Variants in CNTNAP2 observed in about 807,000 individuals in gnomAD.
CNTNAP2 encodes the protein contactin-associated protein-like 2.
A neutral mutation model predicts 155.2 loss-of-function variants in CNTNAP2; 98 were observed. The observed-to-expected ratio is 0.63, with a 90% CI of 0.54 to 0.75. CNTNAP2 has a LOEUF of 0.75. Ranked by LOEUF, CNTNAP2 falls within the 30% of genes least tolerant of loss-of-function variation. CNTNAP2 has a pLI of 0.00. For missense variants in CNTNAP2, 1,727 were observed against 1,688.1 expected (o/e 1.02, Z -0.40); for synonymous variants, 651 against 631.2 (o/e 1.03, Z -0.47).
intron 1 of CNTNAP2, among the ~76,000 whole-genome samples, chr7:146,325,022 C>T (rs867835858): frequency 6.6e-6 from 1 of 152,058 alleles, no homozygotes; most frequent in African/African-American, 2.4e-5. Context: ...GCATCCTCTA[C>T]GTTCTGTAAT....
chr7:146,966,486 C>G (rs1395211356), intron 3 of CNTNAP2, among the ~76,000 whole-genome samples: 3 of 152,182 alleles, frequency 2.0e-5, no homozygotes, highest in African/African-American at 7.2e-5. Flanking sequence ...GGTGATTCAC[C>G]AGTTTACTCT....
intron 1 of CNTNAP2, among the ~76,000 whole-genome samples, chr7:146,721,088 GTCTATATATATTC>G (rs1372421084): frequency 2.2e-5 from 2 of 91,070 alleles, no homozygotes; most frequent in Admixed American, 1.0e-4. Context: ...TATATATACT[GTCTATATATATTC>G]TCTATATATA....
chr7:147,032,854 A>G (rs948989263), intron 3 of CNTNAP2, among the ~76,000 whole-genome samples: 2 of 152,022 alleles, frequency 1.3e-5, no homozygotes, highest in Admixed American at 1.3e-4. Flanking sequence ...AAGCCATTAA[A>G]AAGACAGTCC....
intron 15 of CNTNAP2, among the ~76,000 whole-genome samples, chr7:147,995,746 C>A: frequency 6.6e-6 from 1 of 152,088 alleles, no homozygotes; most frequent in Non-Finnish European, 1.5e-5. Flanking sequence ...ATCTCCTGAC[C>A]TCGTGATCTG....
At chr7:148,145,187 C>G (rs1805152808) in intron 16 of CNTNAP2, among the ~76,000 whole-genome samples, 1 of 152,254 alleles carries the variant, frequency 6.6e-6, no homozygotes, top group East Asian at 1.9e-4. Flanking sequence ...AAGAAAGTTG[C>G]TCGTGGGGTC....
intron 1 of CNTNAP2, among the ~76,000 whole-genome samples, chr7:146,486,746 C>G (rs1166362164): frequency 6.6e-6 from 1 of 152,186 alleles, no homozygotes; most frequent in East Asian, 1.9e-4. Context: ...GAGGCATATT[C>G]TTTTGGGAGA....
At chr7:147,247,217 G>A (rs556561104) in intron 8 of CNTNAP2, among the ~76,000 whole-genome samples, 3 of 151,976 alleles carry the variant, frequency 2.0e-5, no homozygotes, top group African/African-American at 2.4e-5. Context: ...CCCTCTCCTC[G>A]GGGTTCTTAG....
chr7:148,364,580 ACT>A (rs1269971372), intron 21 of CNTNAP2, among the ~76,000 whole-genome samples: 2 of 152,150 alleles, frequency 1.3e-5, no homozygotes, highest in East Asian at 3.9e-4. Flanking sequence ...ACCAATCGAC[ACT>A]CTGTATCTAG....
intron 3 of CNTNAP2, among the ~76,000 whole-genome samples, chr7:146,945,316 T>C (rs1797141199): frequency 6.6e-6 from 1 of 152,234 alleles, no homozygotes; most frequent in Admixed American, 6.5e-5. Flanking sequence ...TAGAAATAAC[T>C]GGTGTTTCAG....
At chr7:146,507,262 T>A (rs557780258) in intron 1 of CNTNAP2, among the ~76,000 whole-genome samples, 2 of 152,180 alleles carry the variant, frequency 1.3e-5, no homozygotes, top group Non-Finnish European at 2.9e-5. Flanking sequence ...TCACCTCCAT[T>A]CCAAAGTTGG....
At chr7:146,721,604 C>CATTCTATATAT (rs1563203798) in intron 1 of CNTNAP2, among the ~76,000 whole-genome samples, 1 of 106,638 alleles carries the variant, frequency 9.4e-6, no homozygotes, top group African/African-American at 4.4e-5. Flanking sequence ...ATTCTATATA[C>CATTCTATATAT]ATTCTATATA....
intron 1 of CNTNAP2, among the ~76,000 whole-genome samples, chr7:146,503,865 G>A (rs1426142519): frequency 6.6e-6 from 1 of 152,078 alleles, no homozygotes; most frequent in South Asian, 2.1e-4. Context: ...GGGTCTGAGG[G>A]GACAGGTGGC....
At chr7:146,389,703 C>CTTTTTTTTTTTTT (rs750823074) in intron 1 of CNTNAP2, among the ~76,000 whole-genome samples, 6 of 129,006 alleles carry the variant, frequency 4.7e-5, no homozygotes, top group Non-Finnish European at 8.3e-5. Context: ...TTTCTTTTTT[C>CTTTTTTTTTTTTT]TTTTTTTTTT....
intron 1 of CNTNAP2, among the ~76,000 whole-genome samples, chr7:146,561,681 A>G (rs1374602595): frequency 1.3e-5 from 2 of 152,188 alleles, no homozygotes; most frequent in African/African-American, 4.8e-5. Context: ...AAGAAACTCC[A>G]CAAAATCACA....
At chr7:146,468,001 C>T (rs553227638) in intron 1 of CNTNAP2, among the ~76,000 whole-genome samples, 1 of 152,048 alleles carries the variant, frequency 6.6e-6, no homozygotes, top group Non-Finnish European at 1.5e-5. Flanking sequence ...AAAGAAGGTG[C>T]ATTTGTGTTC....
At chr7:147,955,273 A>C (rs1801000922) in intron 14 of CNTNAP2, among the ~76,000 whole-genome samples, 1 of 152,218 alleles carries the variant, frequency 6.6e-6, no homozygotes, top group South Asian at 2.1e-4. Context: ...ATGTATTAGA[A>C]ATTAAAACTG....
At chr7:148,134,444 T>C (rs183447081) in intron 16 of CNTNAP2, among the ~76,000 whole-genome samples, 1 of 152,232 alleles carries the variant, frequency 6.6e-6, no homozygotes, top group Non-Finnish European at 1.5e-5. Flanking sequence ...CTTTGAAAAA[T>C]AGCATGCCCT....
chr7:147,530,748 C>T (rs549566713), intron 11 of CNTNAP2, among the ~76,000 whole-genome samples: 110 of 152,280 alleles, frequency 7.2e-4, no homozygotes, highest in African/African-American at 1.9e-3. Context: ...CATGTCCTCA[C>T]ATTTCAAAAC....
intron 2 of CNTNAP2, among the ~76,000 whole-genome samples, chr7:146,806,186 T>C (rs1802963761): frequency 6.6e-6 from 1 of 152,040 alleles, no homozygotes; most frequent in Non-Finnish European, 1.5e-5. Flanking sequence ...AATGTTTCAG[T>C]TATATATTTG....
Sources: allele counts gnomAD v4.1 joint callset (sites outside exome capture counted in the v4.1 genomes callset), GRCh38; gene constraint gnomAD v4.1.1; transcripts MANE v1.5; gene names NCBI Gene and HGNC (gene_info 2026-07-23, HGNC 2026-07-21).